NEDD4L: variants seen among roughly 807,000 people sequenced by gnomAD.
NEDD4L encodes NEDD4 like E3 ubiquitin protein ligase.
NEDD4L carries 54 observed loss-of-function variants against 148.9 expected under a neutral mutation model. The ratio of observed to expected loss-of-function variants is 0.36; its 90% CI spans 0.29 to 0.45. The LOEUF (loss-of-function observed/expected upper bound fraction) is 0.45. Ranked by LOEUF, NEDD4L falls within the 20% of genes least tolerant of loss-of-function variation. The pLI, the probability that NEDD4L is intolerant of heterozygous loss-of-function variation, is 1.00. For synonymous variants in NEDD4L, 433 were observed against 440.7 expected (o/e 0.98, Z 0.22); for missense variants, 856 against 1,233.8 (o/e 0.69, Z 4.59).
At chr18:58,319,457 G>A (rs1036264547) in intron 6 of NEDD4L, among the ~76,000 whole-genome samples, 1 of 152,222 alleles carries the variant, frequency 6.6e-6, no homozygotes, top group African/African-American at 2.4e-5. Flanking sequence ...CACCTAGGCT[G>A]AAAGCAACTA....
intron 5 of NEDD4L, among the ~76,000 whole-genome samples, chr18:58,262,640 A>G (rs1180986388): frequency 6.6e-6 from 1 of 151,986 alleles, no homozygotes; most frequent in Admixed American, 6.6e-5. Flanking sequence ...GGAAAAAAAA[A>G]AAAAAAAGGA....
intron 12 of NEDD4L, 70 bp downstream of exon 12, chr18:58,333,962 C>A: frequency 3.1e-6 from 3 of 978,012 alleles, no homozygotes; most frequent in South Asian, 1.8e-5. Context: ...TGGGCTGCTG[C>A]AAAAAGAGTT....
intron 2 of NEDD4L, among the ~76,000 whole-genome samples, chr18:58,181,148 T>C (rs1268121251): frequency 6.6e-6 from 1 of 152,252 alleles, no homozygotes; most frequent in Non-Finnish European, 1.5e-5. Context: ...ACATAGCTAG[T>C]TTTAAAGTAG....
chr18:58,389,052 C>T (rs767676332), intron 27 of NEDD4L, 33 bp from the exon 28 acceptor site: 1 of 1,571,442 alleles, frequency 6.4e-7, no homozygotes, highest in East Asian at 2.2e-5. Context: ...CCTTTCACAT[C>T]CTGCTTTTAC....
At chr18:58,234,228 C>A (rs1354143012) in intron 2 of NEDD4L, among the ~76,000 whole-genome samples, 3 of 135,068 alleles carry the variant, frequency 2.2e-5, no homozygotes, top group Non-Finnish European at 4.6e-5. Flanking sequence ...TTCCTTCCTT[C>A]TTTCTTTTAA....
At position 58,128,115 on chromosome 18, in the gene NEDD4L, C is replaced by T. The variant is rs540945836; in HGVS notation, c.49-37673C>T. Among the ~76,000 whole-genome samples the T allele has an allele frequency of 7.2e-4, 110 of 152,004 alleles. 1 individual carries two copies. In the Middle Eastern group the frequency reaches 0.01, roughly 14 times the overall value. On this transcript the variant is annotated intron_variant, in intron 1 of 30. Transcript: ENST00000400345. ...AGGCTGGAGTGCGATGGCACGATCT[C>T]GGCTCACTGCAACCTCCACCTCCTG...
chr18:58,347,348 A>G (rs912831371), intron 16 of NEDD4L, among the ~76,000 whole-genome samples: 28 of 151,906 alleles, frequency 1.8e-4, no homozygotes, highest in African/African-American at 6.8e-4. Context: ...TTCATGTAAT[A>G]GCAGTCCTCA....
In NEDD4L at chr18:58,277,825, A is replaced by G. The variant is rs1342442972; in HGVS notation, c.297+25771A>G. ...TTTAAAAAGTTAGAAATGTATTGGC[A>G]TGTTCTGATAGCTTATTTTTAACTA... On this transcript the variant is annotated intron_variant, in intron 5 of 30. Transcript: ENST00000400345. Among the ~76,000 whole-genome samples, 4 of 152,274 alleles carry G rather than the reference A, an allele frequency of 2.6e-5. No homozygotes were observed. In the East Asian group the frequency reaches 7.7e-4, roughly 29 times the overall value.
At chr18:58,368,823 T>G (rs1283076664) in intron 22 of NEDD4L, among the ~76,000 whole-genome samples, 1 of 152,260 alleles carries the variant, frequency 6.6e-6, no homozygotes, top group East Asian at 1.9e-4. Flanking sequence ...ACACACTCTT[T>G]CCATGTATGT....
chr18:58,380,533 G>A (rs1276521399), intron 24 of NEDD4L, among the ~76,000 whole-genome samples: 2 of 152,010 alleles, frequency 1.3e-5, no homozygotes, highest in African/African-American at 2.4e-5. Flanking sequence ...GGCCAGGCTG[G>A]TCTCGAACTC....
rs756343298 is a variant in NEDD4L, at chr18:58,341,040, A to G, written c.1128A>G (p.Pro376=). ...ATAATGATTTCTTGCACAAACAGCC[A>G]TCAGTGGCCTATGTACATACCACGC... ...STVTGGEEPT[P]SVAYVHTTPG... Residue 376 remains proline, a splice_region_variant and synonymous_variant, in exon 14 of 31, where the codon CCA becomes CCG. Coordinates refer to ENST00000400345, the MANE Select transcript of NEDD4L (RefSeq NM_001144967.3). 3 of 1,607,998 alleles carry G rather than the reference A, an allele frequency of 1.9e-6. No individual in the cohort carries two copies. In the African/African-American group the frequency reaches 4.0e-5, roughly 21 times the overall value.
intron 1 of NEDD4L, among the ~76,000 whole-genome samples, chr18:58,101,043 G>C (rs546947428): frequency 5.3e-5 from 8 of 152,228 alleles, no homozygotes; most frequent in South Asian, 4.1e-4. Flanking sequence ...TGGGCTCAAG[G>C]GATCCTCCCT....
intron 2 of NEDD4L, among the ~76,000 whole-genome samples, chr18:58,170,161 T>C (rs1599325485): frequency 6.6e-6 from 1 of 151,388 alleles, no homozygotes; most frequent in Admixed American, 6.6e-5. Context: ...AAATATGCCA[T>C]GAAGTTGCTG....
At chr18:58,101,595 G>C (rs759921585) in intron 1 of NEDD4L, among the ~76,000 whole-genome samples, 1 of 152,118 alleles carries the variant, frequency 6.6e-6, no homozygotes, top group African/African-American at 2.4e-5. Context: ...CTGGGCCTGC[G>C]AGCCTCCATT....
intron 4 of NEDD4L, among the ~76,000 whole-genome samples, chr18:58,251,101 TA>T (rs2047873504): frequency 6.6e-6 from 1 of 152,224 alleles, no homozygotes; most frequent in Admixed American, 6.5e-5. Flanking sequence ...TTGGGCAAGT[TA>T]CTTCACTGAA....
chr18:58,071,814 G>T (rs986354811), intron 1 of NEDD4L, among the ~76,000 whole-genome samples: 1 of 152,192 alleles, frequency 6.6e-6, no homozygotes, highest in Admixed American at 6.5e-5. Context: ...GCAAGAATAG[G>T]AGTTGTGCCG....
At chr18:58,152,109 A>T (rs549372442) in intron 1 of NEDD4L, among the ~76,000 whole-genome samples, 146 of 68,260 alleles carry the variant, frequency 2.1e-3, no homozygotes, top group Middle Eastern at 8.5e-3. Flanking sequence ...CAGAAAAATT[A>T]AAAAAAAAAA....
At chr18:58,127,434 G>C (rs373097297) in intron 1 of NEDD4L, among the ~76,000 whole-genome samples, 2 of 152,120 alleles carry the variant, frequency 1.3e-5, no homozygotes, top group South Asian at 4.1e-4. Context: ...GGCTGGACAC[G>C]GTGGCCCACA....
At chr18:58,101,837 T>G (rs2084770963) in intron 1 of NEDD4L, among the ~76,000 whole-genome samples, 1 of 152,212 alleles carries the variant, frequency 6.6e-6, no homozygotes, top group South Asian at 2.1e-4. Context: ...AACTTTTTTT[T>G]GTTTAATTGT....
Sources: gnomAD v4.1 joint callset for allele counts (sites outside exome capture counted in the v4.1 genomes callset) on GRCh38, gnomAD v4.1.1 for gene constraint, MANE v1.5 for transcripts, NCBI Gene and HGNC (gene_info 2026-07-23, HGNC 2026-07-21) for gene names.